Variants in ICA1L observed in about 807,000 individuals in gnomAD.
The protein encoded by ICA1L is islet cell autoantigen 1-like protein.
ICA1L carries 50 observed loss-of-function variants against 61.3 expected under a neutral mutation model. That is an observed-to-expected ratio of 0.82 (90% confidence interval 0.65 to 1.03). The LOEUF is 1.03. Ranked by LOEUF, ICA1L falls within the 50% of genes least tolerant of loss-of-function variation. ICA1L has a pLI of 0.00. For synonymous variants in ICA1L, 161 were observed against 191.3 expected (o/e 0.84, Z 1.31); for missense variants, 508 against 556.7 (o/e 0.91, Z 0.88).
chr2:202,852,979 T>G (rs1694671465), intron 1 of ICA1L, among the ~76,000 whole-genome samples: 2 of 151,960 alleles, frequency 1.3e-5, no homozygotes, highest in South Asian at 4.2e-4. Flanking sequence ...TAAATGGTGC[T>G]GGTAAAACTG....
At chr2:202,824,578 T>TA (rs1693783939) in intron 3 of ICA1L, among the ~76,000 whole-genome samples, 1 of 152,148 alleles carries the variant, frequency 6.6e-6, no homozygotes, top group South Asian at 2.1e-4. Flanking sequence ...GCATTTTAGA[T>TA]ATGCAGTTCA....
Position 202,774,278 on chromosome 2 carries a change from T to C in ICA1L, c.*5255A>G, listed in dbSNP as rs1319983358. The C allele has an allele frequency of 6.5e-7, 1 of 1,541,398 alleles. No individual in the cohort carries two copies. The highest frequency in any genetic ancestry group is 2.0e-5 in the Admixed American group (1 of 49,086). On this transcript the variant is annotated 3_prime_UTR_variant, in exon 13 of 13. Transcript: ENST00000358299. Reference sequence around the variant, plus strand: ...GGCCAAAGGCCGTGACCCCGACGCGTGCAGGCACCTACGGGCGACCGCGGA... The same window carrying C: ...GGCCAAAGGCCGTGACCCCGACGCGCGCAGGCACCTACGGGCGACCGCGGA...
chr2:202,853,186 G>A (rs1182294955), intron 1 of ICA1L, among the ~76,000 whole-genome samples: 19 of 151,692 alleles, frequency 1.3e-4, no homozygotes, highest in African/African-American at 2.2e-4. Flanking sequence ...ATGAAACCCC[G>A]TCTCTACTAA....
intron 11 of ICA1L, among the ~76,000 whole-genome samples, chr2:202,787,650 A>T (rs909844242): frequency 6.6e-6 from 1 of 152,240 alleles, no homozygotes. Flanking sequence ...TCCACATATC[A>T]TGCCCTTGGG....
intron 3 of ICA1L, among the ~76,000 whole-genome samples, chr2:202,821,928 A>G (rs1392172023): frequency 6.6e-6 from 1 of 152,166 alleles, no homozygotes; most frequent in Admixed American, 6.5e-5. Flanking sequence ...TCGCAGACTC[A>G]CAGATGTCCA....
Position 202,774,070 on chromosome 2 carries a change from G to T in ICA1L, c.*5463C>A. 1.0e-6 allele frequency: 1 copy of T among 986,908 alleles called. No individual in the cohort carries two copies. Among genetic ancestry groups the T allele is most frequent in the Non-Finnish European group, 1.6e-6 (1 of 642,910 alleles). 61.1% of individuals were successfully genotyped at this position (986,908 alleles called of 1,614,324 possible). A position where few individuals can be genotyped will look rare whatever the true frequency, so the allele number is the denominator to read the frequency against. On this transcript the variant is annotated 3_prime_UTR_variant, in exon 13 of 13. Transcript: ENST00000358299. The stretch of plus-strand genomic sequence containing the variant: ...GCTTCTTTGATGTGTCATCCTAGCT[G>T]CCTAATATGATAATATTAGGAATCC...
chr2:202,840,633 G>C (rs1694300741), intron 1 of ICA1L: 5 of 581,444 alleles, frequency 8.6e-6, no homozygotes, highest in Non-Finnish European at 1.7e-5. Flanking sequence ...TTGATGTCCA[G>C]GGCCAGCCTG....
chr2:202,847,695 T>TTTTATATATATATATATA (rs1205116973), intron 1 of ICA1L, among the ~76,000 whole-genome samples: 1 of 102,230 alleles, frequency 9.8e-6, no homozygotes, highest in African/African-American at 4.3e-5. Context: ...TATATGGGAA[T>TTTTATATATATATATATA]TATATATATA....
chr2:202,837,854 TTTTA>T (rs1029706235), intron 1 of ICA1L, among the ~76,000 whole-genome samples: 10 of 152,172 alleles, frequency 6.6e-5, no homozygotes, highest in Admixed American at 4.6e-4. Flanking sequence ...TGTTTCAAGA[TTTTA>T]TTTATTTGTC....
At chr2:202,841,110 A>C (rs1694317740) in intron 1 of ICA1L, 1 of 638,394 alleles carries the variant, frequency 1.6e-6, no homozygotes, top group Non-Finnish European at 2.9e-6. Flanking sequence ...CAGCTGCCCG[A>C]GGAGGTTGAT....
chr2:202,853,125 G>A (rs1450076064), intron 1 of ICA1L, among the ~76,000 whole-genome samples: 3 of 151,980 alleles, frequency 2.0e-5, no homozygotes, highest in South Asian at 2.1e-4. Flanking sequence ...TTGGGAGGCC[G>A]AGGCAGGTGG....
chr2:202,811,381 G>A (rs553397070), intron 9 of ICA1L, among the ~76,000 whole-genome samples: 21 of 152,152 alleles, frequency 1.4e-4, no homozygotes, highest in Admixed American at 2.0e-4. Context: ...GAGGCTGGGC[G>A]CGGTGGCTCA....
chr2:202,786,562 A>T (rs965368174), intron 11 of ICA1L: 15 of 249,456 alleles, frequency 6.0e-5, no homozygotes, highest in Admixed American at 1.1e-4. Context: ...TCTCAAAAAA[A>T]AAATAATAAT....
At chr2:202,790,792 G>T (rs1692723408) in intron 10 of ICA1L, among the ~76,000 whole-genome samples, 2 of 152,214 alleles carry the variant, frequency 1.3e-5, no homozygotes, top group African/African-American at 4.8e-5. Flanking sequence ...AAGCCAAGAA[G>T]ACCTAAGGCT....
intron 1 of ICA1L, among the ~76,000 whole-genome samples, chr2:202,854,492 AAATT>A (rs781337067): frequency 1.1e-4 from 17 of 152,314 alleles, no homozygotes; most frequent in Admixed American, 2.0e-4. Context: ...ATGAGACAGA[AAATT>A]AACAAGGATA....
At chr2:202,824,685 A>G (rs887571855) in intron 3 of ICA1L, among the ~76,000 whole-genome samples, 5 of 152,324 alleles carry the variant, frequency 3.3e-5, no homozygotes, top group Admixed American at 2.6e-4. Context: ...AGATATTAAT[A>G]TGGCTAAAGA....
At chr2:202,820,776 C>T (rs987088548) in intron 4 of ICA1L, among the ~76,000 whole-genome samples, 2 of 152,162 alleles carry the variant, frequency 1.3e-5, no homozygotes, top group East Asian at 3.8e-4. Context: ...TGTGATGTTT[C>T]AGAATAAAGC....
chr2:202,825,130 G>T (rs1226963457), intron 3 of ICA1L, among the ~76,000 whole-genome samples: 1 of 152,170 alleles, frequency 6.6e-6, no homozygotes, highest in African/African-American at 2.4e-5. Flanking sequence ...GGGCAAGTGG[G>T]AGTCAAGAAA....
rs545822089 is a variant in ICA1L, at chr2:202,870,365, A to G, written c.-8+1254T>C. On this transcript the variant is annotated intron_variant, in intron 1 of 12. Transcript: ENST00000358299. ...AGCACCCTTCTAACTCTAAAATTAA[A>G]CTGGTAATTAGAACACTGCCTTCCA... 1.2e-4 allele frequency among the ~76,000 whole-genome samples: 19 copies of G among 152,296 alleles called. No individual in the cohort carries two copies. The South Asian group carries it at 1.9e-3, about 15-fold the overall frequency.
Sources: gnomAD v4.1 joint callset for allele counts (sites outside exome capture counted in the v4.1 genomes callset) on GRCh38, gnomAD v4.1.1 for gene constraint, MANE v1.5 for transcripts, NCBI Gene and HGNC (gene_info 2026-07-23, HGNC 2026-07-21) for gene names.